The following ABCA10 variants were observed in gnomAD, a reference collection of about 807,000 sequenced individuals.
The protein encoded by ABCA10 is ATP-binding cassette sub-family A member 10.
A neutral mutation model predicts 187.5 loss-of-function variants in ABCA10; 169 were observed. The observed-to-expected ratio is 0.90, with a 90% confidence interval of 0.80 to 1.02. The LOEUF (loss-of-function observed/expected upper bound fraction) is 1.02. Among genes scored for constraint, ABCA10 ranks in the 50% least tolerant of loss-of-function variants. ABCA10 has a pLI of 0.00. For missense variants in ABCA10, 1,727 were observed against 1,812.4 expected (o/e 0.95, Z 0.86); for synonymous variants, 574 against 601.8 (o/e 0.95, Z 0.68).
chr17:69,178,365 C>A (rs939263922), intron 22 of ABCA10, among the ~76,000 whole-genome samples: 2 of 152,118 alleles, frequency 1.3e-5, no homozygotes, highest in Admixed American at 1.3e-4. Context: ...GATAGTGACT[C>A]TTCTATGCTA....
rs535817230 is a variant in ABCA10, at chr17:69,225,692, A to G, written c.-171-163T>C. Among the ~76,000 whole-genome samples the G allele has an allele frequency of 2.0e-5, 3 of 152,228 alleles. No homozygotes were observed. In the East Asian group the frequency reaches 5.8e-4, roughly 29 times the overall value. ...ATTAATATCTACCTTTTAAAGAAAA[A>G]AACACCCTTTCAAAAATACACAACT... On this transcript the variant is annotated intron_variant, in intron 2 of 38. Coordinates refer to ENST00000690296, the MANE Select transcript of ABCA10 (RefSeq NM_001377321.1).
chr17:69,208,417 C>CAAAAAAAAAAAA (rs67858017), intron 9 of ABCA10, among the ~76,000 whole-genome samples: 13 of 89,400 alleles, frequency 1.5e-4, no homozygotes, highest in African/African-American at 5.4e-4. Flanking sequence ...GACTCTGTCT[C>CAAAAAAAAAAAA]AAAAAAAAAA....
Position 69,155,107 on chromosome 17 carries a change from G to C in ABCA10, c.3606C>G (p.His1202Gln). ...TTTTCTTTGTCTCATAATATTCCTTGTGTAAACAGCTTGCAGTTATGACTG... is the reference window on the plus strand; with the variant it reads ...TTTTCTTTGTCTCATAATATTCCTTCTGTAAACAGCTTGCAGTTATGACTG... The part of the protein sequence containing the change: ...EEPVITASCL[H>Q]KEYYETKKSC... The change falls in exon 30 of 39, where the codon CAC becomes CAG. Residue 1202 changes from histidine (H) to glutamine (Q), a missense_variant. Physicochemically the swap from His to Gln is conservative, Grantham distance 24. Transcript: ENST00000690296. The C allele has an allele frequency of 6.2e-7, 1 of 1,611,998 alleles. No individual in the cohort carries two copies. Among genetic ancestry groups the C allele is most frequent in the East Asian group, 2.2e-5 (1 of 44,736 alleles).
At chr17:69,211,831 C>T (rs1311832354) in intron 9 of ABCA10, among the ~76,000 whole-genome samples, 1 of 152,076 alleles carries the variant, frequency 6.6e-6, no homozygotes, top group Non-Finnish European at 1.5e-5. Flanking sequence ...GTTGTAATAT[C>T]TCTCATTTCA....
chr17:69,220,056 C>T (rs566885106), intron 5 of ABCA10, among the ~76,000 whole-genome samples: 81 of 152,294 alleles, frequency 5.3e-4, no homozygotes, highest in African/African-American at 1.9e-3. Context: ...TAGAGATTTA[C>T]ATTTTGTAGC....
intron 5 of ABCA10, among the ~76,000 whole-genome samples, chr17:69,220,915 A>C (rs544852764): frequency 7.2e-5 from 11 of 152,304 alleles, no homozygotes; most frequent in East Asian, 3.9e-4. Context: ...TGGCCCCCAG[A>C]GCCTAAAATA....
chr17:69,174,012 A>G (rs2074315011), intron 25 of ABCA10, among the ~76,000 whole-genome samples: 1 of 152,112 alleles, frequency 6.6e-6, no homozygotes, highest in Admixed American at 6.6e-5. Flanking sequence ...CAGCTGTTAC[A>G]TGCCATGGTT....
chr17:69,210,366 T>TTTTTAG (rs1401330412), intron 9 of ABCA10, among the ~76,000 whole-genome samples: 10 of 150,156 alleles, frequency 6.7e-5, no homozygotes. Flanking sequence ...ATTTTTTGTA[T>TTTTTAG]TTTTAGTAGA....
At chr17:69,186,365 C>T (rs144353927) in intron 19 of ABCA10, among the ~76,000 whole-genome samples, 102 of 152,240 alleles carry the variant, frequency 6.7e-4, no homozygotes, top group African/African-American at 2.4e-3. Flanking sequence ...CAGATTCAGT[C>T]ATCCTCTCAT....
intron 36 of ABCA10, among the ~76,000 whole-genome samples, chr17:69,151,036 T>C (rs772944576): frequency 7.2e-5 from 11 of 152,146 alleles, no homozygotes; most frequent in Non-Finnish European, 1.6e-4. Flanking sequence ...GTCTTCTATA[T>C]GGTAAAAAAA....
intron 4 of ABCA10, 151 bp downstream of exon 4, chr17:69,222,382 A>C: frequency 1.6e-6 from 1 of 626,428 alleles, no homozygotes. Flanking sequence ...AAATAATGAG[A>C]CTCATCCTAA....
At chr17:69,194,530 G>A (rs2074484833) in intron 11 of ABCA10, 35 bp from the exon 12 acceptor site, 1 of 1,496,842 alleles carries the variant, frequency 6.7e-7, no homozygotes, top group Non-Finnish European at 9.2e-7. Flanking sequence ...TTAGATTTTG[G>A]ATTATATGCA....
In ABCA10 at chr17:69,182,260, T is replaced by C; in HGVS notation, c.2662A>G (p.Lys888Glu). The change falls in exon 22 of 39, where the codon AAG (lysine) becomes GAG (glutamate). Residue 888 changes from lysine (K) to glutamate (E), a missense_variant. Lys to Glu is a moderately conservative substitution (Grantham distance 56). Coordinates refer to ENST00000690296, the MANE Select transcript of ABCA10 (RefSeq NM_001377321.1). ...AGAACAGGAAAACAATTCAATTTCT[T>C]GGTATTACACGCAACAGAAAATCTG... ...DYRFSVACNT[K>E]KLNCFPVLMG... 3 of 1,589,788 alleles carry C rather than the reference T, an allele frequency of 1.9e-6. No individual in the cohort carries two copies. The highest frequency in any genetic ancestry group is 2.6e-6 in the Non-Finnish European group (3 of 1,167,070).
At chr17:69,201,773 C>T in intron 9 of ABCA10, 105 bp from the exon 10 acceptor site, 1 of 981,776 alleles carries the variant, frequency 1.0e-6, no homozygotes, top group Non-Finnish European at 1.4e-6. Flanking sequence ...AGTTATTTAT[C>T]TTGGGCATTT....
intron 4 of ABCA10, 141 bp from the exon 5 acceptor site, chr17:69,222,036 A>C (rs1043429222): frequency 5.5e-5 from 35 of 639,258 alleles, no homozygotes; most frequent in Admixed American, 4.7e-4. Flanking sequence ...GGATTTTTAA[A>C]GTACTCTACA....
Position 69,193,707 on chromosome 17 carries a change from T to C in ABCA10, c.1522-95A>G, listed in dbSNP as rs1359232302. Reference sequence around the variant, plus strand: ...GAAAAGGATTTAGTCTAGAACTTCGTTGATTAAGCTTTACCTATCAAAGAG... The same window carrying C: ...GAAAAGGATTTAGTCTAGAACTTCGCTGATTAAGCTTTACCTATCAAAGAG... On this transcript the variant is annotated intron_variant, in intron 13 of 38. Coordinates refer to ENST00000690296, the MANE Select transcript of ABCA10 (RefSeq NM_001377321.1). 29 of 1,541,898 alleles carry C rather than the reference T, an allele frequency of 1.9e-5. No individual in the cohort carries two copies. In the South Asian group the frequency reaches 2.3e-4, roughly 12 times the overall value.
chr17:69,159,764 A>G (rs1346338590), intron 27 of ABCA10, among the ~76,000 whole-genome samples: 2 of 152,190 alleles, frequency 1.3e-5, no homozygotes, highest in African/African-American at 4.8e-5. Flanking sequence ...AAGGGAGACA[A>G]TAAAATAAAT....
At position 69,193,882 on chromosome 17, in the gene ABCA10, T is replaced by C. The variant is rs370624717; in HGVS notation, c.1453A>G (p.Thr485Ala). The change falls in exon 13 of 39, where the codon ACT becomes GCT. Residue 485 changes from threonine to alanine, a missense_variant. Coordinates refer to ENST00000690296, the MANE Select transcript of ABCA10 (RefSeq NM_001377321.1). ...AATACCCTGAGGTTTTCTCTCACAG[T>C]GAGGAAGTCAAATTGAAAATTGAAC... Reference protein sequence around the residue: ...PQFNFQFDFLTVRENLRVFAK... With the variant: ...PQFNFQFDFLAVRENLRVFAK... 5.1e-5 allele frequency: 83 copies of C among 1,613,396 alleles called. No individual in the cohort carries two copies. The highest frequency in any genetic ancestry group is 6.7e-5 in the Non-Finnish European group (79 of 1,179,728).
intron 9 of ABCA10, among the ~76,000 whole-genome samples, chr17:69,213,423 T>A (rs1198846002): frequency 7.4e-6 from 1 of 135,268 alleles, no homozygotes; most frequent in African/African-American, 2.7e-5. Context: ...GGGGGGAGGG[T>A]CGTTCTCAGA....
Sources: allele counts gnomAD v4.1 joint callset (sites outside exome capture counted in the v4.1 genomes callset), GRCh38; gene constraint gnomAD v4.1.1; transcripts MANE v1.5; gene names NCBI Gene and HGNC (gene_info 2026-07-23, HGNC 2026-07-21).